CEP112: variants seen among roughly 807,000 people sequenced by gnomAD.
CEP112 encodes the protein centrosomal protein 112, also known as centrosomal protein of 112 kDa.
Under a neutral mutation model 153.0 loss-of-function variants are expected in CEP112, and 127 were observed. That is an observed-to-expected ratio of 0.83 (90% CI 0.72 to 0.96). The LOEUF (loss-of-function observed/expected upper bound fraction) is 0.96. Ranked by LOEUF, CEP112 falls within the 40% of genes least tolerant of loss-of-function variation. CEP112 has a pLI of 0.00. For synonymous variants in CEP112, 358 were observed against 374.4 expected (o/e 0.96, Z 0.51); for missense variants, 1,089 against 1,101.2 (o/e 0.99, Z 0.16).
intron 12 of CEP112, among the ~76,000 whole-genome samples, chr17:66,030,655 T>C (rs1159590434): frequency 6.6e-6 from 1 of 152,172 alleles, no homozygotes; most frequent in East Asian, 1.9e-4. Flanking sequence ...ACTAAATCAT[T>C]TCTCTATTAT....
chr17:66,168,303 A>G (rs1170059664), intron 4 of CEP112, among the ~76,000 whole-genome samples: 1 of 152,110 alleles, frequency 6.6e-6, no homozygotes, highest in African/African-American at 2.4e-5. Flanking sequence ...ACATATACAC[A>G]AACACAAACG....
At chr17:65,729,927 A>G (rs927413995) in intron 23 of CEP112, among the ~76,000 whole-genome samples, 21 of 150,884 alleles carry the variant, frequency 1.4e-4, no homozygotes, top group Non-Finnish European at 2.4e-4. Context: ...AAACAAACAA[A>G]CAAACAAACA....
intron 24 of CEP112, among the ~76,000 whole-genome samples, chr17:65,685,099 G>GC (rs1207463388): frequency 6.6e-6 from 1 of 152,112 alleles, no homozygotes; most frequent in African/African-American, 2.4e-5. Flanking sequence ...AACCCTTTGT[G>GC]CCCCACAATG....
intron 18 of CEP112, among the ~76,000 whole-genome samples, chr17:65,937,115 G>A (rs1274631583): frequency 6.7e-6 from 1 of 149,138 alleles, no homozygotes; most frequent in Admixed American, 6.7e-5. Flanking sequence ...CGTTCACTCA[G>A]TGCTCAATGG....
At chr17:65,785,683 G>C (rs1041568808) in intron 21 of CEP112, among the ~76,000 whole-genome samples, 4 of 152,068 alleles carry the variant, frequency 2.6e-5, no homozygotes, top group Non-Finnish European at 4.4e-5. Flanking sequence ...TCATATCTAA[G>C]AATTCTTTGC....
At chr17:65,917,503 C>A (rs905480528) in intron 19 of CEP112, among the ~76,000 whole-genome samples, 3 of 152,172 alleles carry the variant, frequency 2.0e-5, no homozygotes, top group Non-Finnish European at 2.9e-5. Flanking sequence ...CGAAGTCTTT[C>A]TACTTGGATC....
intron 1 of CEP112, among the ~76,000 whole-genome samples, chr17:66,184,041 G>A (rs2072827608): frequency 1.3e-5 from 2 of 151,844 alleles, no homozygotes; most frequent in South Asian, 4.1e-4. Flanking sequence ...TTGAGCTCAG[G>A]AGTTAAAGAC....
chr17:65,713,688 A>G (rs1598379535), intron 23 of CEP112, among the ~76,000 whole-genome samples: 1 of 151,900 alleles, frequency 6.6e-6, no homozygotes, highest in African/African-American at 2.4e-5. Flanking sequence ...CTGGGTTCAC[A>G]CCATTCTCCT....
intron 17 of CEP112, among the ~76,000 whole-genome samples, chr17:65,993,123 G>A (rs2063658258): frequency 6.6e-6 from 1 of 152,086 alleles, no homozygotes; most frequent in African/African-American, 2.4e-5. Flanking sequence ...CCCAGTGTGT[G>A]TTGTTCCTCT....
chr17:65,961,740 T>C (rs959889684), intron 17 of CEP112, 142 bp from the exon 18 acceptor site: 8 of 740,120 alleles, frequency 1.1e-5, no homozygotes, highest in Non-Finnish European at 1.2e-5. Context: ...CTTTAGAAAT[T>C]TGACAATAAA....
rs1193172414 is a variant in CEP112 at position 66,053,118 on chromosome 17, AAAAAAG to A, written c.1218+612_1218+617del. On this transcript the variant is annotated intron_variant, in intron 12 of 26. Transcript: ENST00000535342. ...CAAGACCCTGTCTCAAAGGAAAAAA[AAAAAAG>A]AAAAGAGATTATCTCTGAACTGAAA... Among the ~76,000 whole-genome samples, 132 of 151,524 alleles carry A rather than the reference AAAAAAG, an allele frequency of 8.7e-4. 1 individual carries two copies. In the South Asian group the frequency reaches 0.026, roughly 29 times the overall value.
In CEP112 at chr17:65,729,321, C is replaced by T. The variant is rs758468273; in HGVS notation, c.2607+13747G>A. On this transcript the variant is annotated intron_variant, in intron 23 of 26. Transcript: ENST00000535342. ...ATGGGACTACCATCATCTATGTAGT[C>T]CATCTTGACTGATATGTTGTTATGT... 7.9e-5 allele frequency among the ~76,000 whole-genome samples: 12 copies of T among 152,242 alleles called. No homozygotes were observed. In the South Asian group the frequency reaches 2.5e-3, roughly 32 times the overall value.
Position 65,769,971 on chromosome 17 carries a change from G to A in CEP112, c.2395-19247C>T, listed in dbSNP as rs183666928. 2.0e-5 allele frequency among the ~76,000 whole-genome samples: 3 copies of A among 152,072 alleles called. No homozygotes were observed. In the East Asian group the frequency reaches 5.8e-4, roughly 29 times the overall value. On this transcript the variant is annotated intron_variant, in intron 21 of 26. Coordinates refer to ENST00000535342, the MANE Select transcript of CEP112 (RefSeq NM_001199165.4). Reference sequence around the variant, plus strand: ...CAAATGGTTCCCAGAGAGACAAGGAGTAAGTTTACTGAATAATCTCAGTTA... The same window carrying A: ...CAAATGGTTCCCAGAGAGACAAGGAATAAGTTTACTGAATAATCTCAGTTA...
At chr17:65,700,312 C>T (rs998927443) in intron 23 of CEP112, among the ~76,000 whole-genome samples, 1 of 152,162 alleles carries the variant, frequency 6.6e-6, no homozygotes, top group African/African-American at 2.4e-5. Context: ...ATGTGTACGG[C>T]AAGCTTATAA....
chr17:65,982,473 C>T (rs1167926252), intron 17 of CEP112, among the ~76,000 whole-genome samples: 2 of 152,216 alleles, frequency 1.3e-5, no homozygotes, highest in Non-Finnish European at 2.9e-5. Context: ...GACAACATTT[C>T]AACTGATGGT....
intron 21 of CEP112, among the ~76,000 whole-genome samples, chr17:65,830,267 C>G (rs1435436657): frequency 6.6e-6 from 1 of 152,200 alleles, no homozygotes; most frequent in Non-Finnish European, 1.5e-5. Flanking sequence ...AGCAGAGAAA[C>G]TCCCTGGGCC....
intron 17 of CEP112, among the ~76,000 whole-genome samples, chr17:65,975,476 A>G (rs1006118498): frequency 6.6e-6 from 1 of 152,188 alleles, no homozygotes; most frequent in African/African-American, 2.4e-5. Flanking sequence ...ACAGGGATGT[A>G]TATGTATGTG....
intron 12 of CEP112, chr17:66,043,122 TG>T (rs2066055980): frequency 2.1e-6 from 2 of 966,690 alleles, no homozygotes; most frequent in Non-Finnish European, 2.5e-6. Flanking sequence ...GGATCATGGA[TG>T]GAATTCAGAC....
chr17:65,650,979 T>C (rs893738309), intron 24 of CEP112, among the ~76,000 whole-genome samples: 2 of 152,020 alleles, frequency 1.3e-5, no homozygotes, highest in African/African-American at 2.4e-5. Flanking sequence ...CAGGTGGTAT[T>C]TGGTTACATG....
Sources: gnomAD v4.1 joint callset for allele counts (sites outside exome capture counted in the v4.1 genomes callset) on GRCh38, gnomAD v4.1.1 for gene constraint, MANE v1.5 for transcripts, NCBI Gene and HGNC (gene_info 2026-07-23, HGNC 2026-07-21) for gene names.